The following FZD4 variants were observed in gnomAD, a reference collection of about 807,000 sequenced individuals.
The protein encoded by FZD4 is frizzled class receptor 4, also known as frizzled-4.
In FZD4, 16 loss-of-function variants were observed where a neutral mutation model predicts 37.3. The observed-to-expected ratio is 0.43, with a 90% CI of 0.29 to 0.65. The LOEUF (loss-of-function observed/expected upper bound fraction) is 0.65. FZD4 is among the 30% of genes least tolerant of loss of function. The pLI is 0.16. For missense variants in FZD4, 599 were observed against 674.3 expected (o/e 0.89, Z 1.24); for synonymous variants, 246 against 254.8 (o/e 0.97, Z 0.33).
chr11:86,954,374 C>T (rs545446073), intron 1 of FZD4: 1 of 985,128 alleles, frequency 1.0e-6, no homozygotes, highest in Non-Finnish European at 1.2e-6. Flanking sequence ...AGTAGTGTTT[C>T]ATTTAATAAC....
chr11:86,952,517 G>A (rs1195030176), intron 1 of FZD4, 47 bp from the exon 2 acceptor site: 1 of 1,598,990 alleles, frequency 6.3e-7, no homozygotes. Flanking sequence ...CAATGACTTG[G>A]AAGTTTGACC....
In FZD4 at chr11:86,946,099, C is replaced by T. The variant is rs1027379610; in HGVS notation, c.*5043G>A. ...TTTTTGACCTTTTCAAGCCTCACAACATCCCTGTGAGGTAGACAAAATTCA... is the reference window on the plus strand; with the variant it reads ...TTTTTGACCTTTTCAAGCCTCACAATATCCCTGTGAGGTAGACAAAATTCA... On this transcript the variant is annotated 3_prime_UTR_variant, in exon 2 of 2. Transcript: ENST00000531380. The T allele has an allele frequency of 6.6e-6, 1 of 152,524 alleles. No homozygotes were observed. The highest frequency in any genetic ancestry group is 2.4e-5 in the African/African-American group (1 of 41,432). 9.4% of individuals were successfully genotyped at this position (152,524 alleles called of 1,614,324 possible).
chr11:86,954,310 C>T (rs1337505814), intron 1 of FZD4: 14 of 985,162 alleles, frequency 1.4e-5, no homozygotes, highest in Non-Finnish European at 1.4e-5. Context: ...CATGCATGAC[C>T]TCTAAAACGC....
rs530658595 is a variant in FZD4, at chr11:86,950,936, A to C, written c.*206T>G. 355 of 631,546 alleles carry C rather than the reference A, an allele frequency of 5.6e-4. 1 individual carries two copies. The highest frequency in any genetic ancestry group is 1.6e-3 in the South Asian group (86 of 53,096). The allele number at this position is 631,546 out of a possible 1,614,324, so 39.1% of individuals were successfully genotyped here. A position where few individuals can be genotyped will look rare whatever the true frequency, so the allele number is the denominator to read the frequency against. On this transcript the variant is annotated 3_prime_UTR_variant, in exon 2 of 2. Coordinates refer to ENST00000531380, the MANE Select transcript of FZD4 (RefSeq NM_012193.4). ...TTGAAAGCCTCTAACTGGCTTTTCC[A>C]TTTTGGATCATTCCAAAGTCTGCAG... is the stretch of plus-strand genomic sequence containing the variant.
chr11:86,952,188 G>A lies in FZD4; in HGVS notation c.568C>T (p.Gln190Ter). 1 of 1,613,260 alleles carries A rather than the reference G, an allele frequency of 6.2e-7. No individual in the cohort carries two copies. The highest frequency in any genetic ancestry group is 8.5e-7 in the Non-Finnish European group (1 of 1,179,374). ...ECHSVGTNSDQYIWVKRSLNC... is the reference protein window; with the variant it reads ...ECHSVGTNSD ...AGGCTCCTTTTCACCCAGATGTACTGATCAGAATTGGTTCCCACAGAGTGA... is the reference window on the plus strand; with the variant it reads ...AGGCTCCTTTTCACCCAGATGTACTAATCAGAATTGGTTCCCACAGAGTGA... Residue 190 changes from glutamine (Q) to a stop codon, truncating the protein, a stop_gained, in exon 2 of 2, where the codon CAG becomes TAG. Coordinates refer to ENST00000531380, the MANE Select transcript of FZD4 (RefSeq NM_012193.4). LOFTEE classifies it high-confidence loss of function.
rs1174717898 is a variant in FZD4 at position 86,946,112 on chromosome 11, T to C, written c.*5030A>G. On this transcript the variant is annotated 3_prime_UTR_variant, in exon 2 of 2. Transcript: ENST00000531380. ...CAAGCCTCACAACATCCCTGTGAGG[T>C]AGACAAAATTCAGAAACACCTCCAT... is the stretch of plus-strand genomic sequence containing the variant. 3 of 152,330 alleles carry C rather than the reference T, an allele frequency of 2.0e-5. No individual in the cohort carries two copies. The highest frequency in any genetic ancestry group is 4.4e-5 in the Non-Finnish European group (3 of 68,016). 9.4% of individuals were successfully genotyped at this position (152,330 alleles called of 1,614,324 possible).
In FZD4 at chr11:86,951,226, T is replaced by A. The variant is rs771038159; in HGVS notation, c.1530A>T (p.Arg510Ser). ...TLHTWQKCSN[R>S]LVNSGKVKRE... ...TCTTTACCTTTCCAGAATTCACCAA[T>A]CTGTTGGAACACTTCTGCCACGTGT... Residue 510 changes from arginine (R) to serine (S), a missense_variant, in exon 2 of 2, where the codon AGA (arginine) becomes AGT (serine). By Grantham distance (110) the Arg-to-Ser change is moderately radical. Coordinates refer to ENST00000531380, the MANE Select transcript of FZD4 (RefSeq NM_012193.4). 2 of 1,614,104 alleles carry A rather than the reference T, an allele frequency of 1.2e-6. No individual in the cohort carries two copies. Among genetic ancestry groups the A allele is most frequent in the South Asian group, 1.1e-5 (1 of 91,074 alleles).
In FZD4 at chr11:86,951,636, T is replaced by C. The variant is rs1949293628; in HGVS notation, c.1120A>G (p.Thr374Ala). The C allele has an allele frequency of 6.2e-7, 1 of 1,614,142 alleles. No individual in the cohort carries two copies. Among genetic ancestry groups the C allele is most frequent in the Non-Finnish European group, 8.5e-7 (1 of 1,180,016 alleles). ...IMRLVDADELTGLCYVGNQNL... is the reference protein window; with the variant it reads ...IMRLVDADELAGLCYVGNQNL... Reference sequence around the variant, plus strand: ...TGGTTTCCAACATAGCACAAGCCAGTCAGTTCATCTGCATCCACCAGTCTC... The same window carrying C: ...TGGTTTCCAACATAGCACAAGCCAGCCAGTTCATCTGCATCCACCAGTCTC... The change falls in exon 2 of 2, where the codon ACT becomes GCT. Residue 374 changes from threonine to alanine, a missense_variant. Coordinates refer to ENST00000531380, the MANE Select transcript of FZD4 (RefSeq NM_012193.4).
Position 86,951,297 on chromosome 11 carries a change from C to G in FZD4, c.1459G>C (p.Val487Leu), listed in dbSNP as rs752990226. Residue 487 changes from valine to leucine, a missense_variant, in exon 2 of 2, where the codon GTG becomes CTG. Transcript: ENST00000531380. The stretch of plus-strand genomic sequence containing the variant: ...ATCCACATGCCTGAAGTGATGCCCA[C>G]CAACAAAGACATAAAAATTTTCAAC... ...EMLKIFMSLL[V>L]GITSGMWIWS... is the part of the protein sequence containing the mutation. The G allele has an allele frequency of 6.2e-7, 1 of 1,614,120 alleles. No individual in the cohort carries two copies. The highest frequency in any genetic ancestry group is 8.5e-7 in the Non-Finnish European group (1 of 1,180,012).
chr11:86,949,913 TCC>T lies in FZD4; in HGVS notation c.*1227_*1228del, dbSNP rs1453670102. On this transcript the variant is annotated 3_prime_UTR_variant, in exon 2 of 2. Transcript: ENST00000531380. ...ACGCACCAAGTAGTTGGATTAGCTG[TCC>T]TCAGTTCCCTTTATAAAACTGAAAA... is the stretch of plus-strand genomic sequence containing the variant. 2 of 152,636 alleles carry T rather than the reference TCC, an allele frequency of 1.3e-5. No individual in the cohort carries two copies. The highest frequency in any genetic ancestry group is 4.8e-5 in the African/African-American group (2 of 41,474). The allele number at this position is 152,636 out of a possible 1,614,324, so 9.5% of individuals were successfully genotyped here.
Position 86,955,161 on chromosome 11 carries a change from G to A in FZD4, c.-76C>T, listed in dbSNP as rs1258326112. 5 of 1,134,102 alleles carry A rather than the reference G, an allele frequency of 4.4e-6. No homozygotes were observed. The highest frequency in any genetic ancestry group is 3.1e-5 in the East Asian group (1 of 32,776). 70.3% of individuals were successfully genotyped at this position (1,134,102 alleles called of 1,614,324 possible). On this transcript the variant is annotated 5_prime_UTR_variant, in exon 1 of 2. Transcript: ENST00000531380. ...ACCCCCAGTTTGCACGGGGGCGCCGGCTGCCCGCGCTGCTCCCAGCTCCCG... is the reference window on the plus strand; with the variant it reads ...ACCCCCAGTTTGCACGGGGGCGCCGACTGCCCGCGCTGCTCCCAGCTCCCG...
At position 86,952,076 on chromosome 11, in the gene FZD4, G is replaced by A. The variant is rs1280862141; in HGVS notation, c.680C>T (p.Ala227Val). 3 of 1,614,012 alleles carry A rather than the reference G, an allele frequency of 1.9e-6. No individual in the cohort carries two copies. The highest frequency in any genetic ancestry group is 2.5e-6 in the Non-Finnish European group (3 of 1,179,912). ...EFTDIWMAVW[A>V]SLCFISTAFT... Reference sequence around the variant, plus strand: ...GGCAGTGGAGATGAAACACAGGCTGGCCCACACAGCCATCCAGATATCAGT... The same window carrying A: ...GGCAGTGGAGATGAAACACAGGCTGACCCACACAGCCATCCAGATATCAGT... Residue 227 changes from alanine to valine, a missense_variant, in exon 2 of 2, where the codon GCC becomes GTC. Physicochemically the swap from Ala to Val is moderately conservative, Grantham distance 64 (BLOSUM62 0). Around this residue, in one of 3 missense-constraint regions of FZD4, gnomAD observed 357 missense variants for 396.1 expected, o/e 0.90. Coordinates refer to ENST00000531380, the MANE Select transcript of FZD4 (RefSeq NM_012193.4).
chr11:86,952,166 C>G lies in FZD4; in HGVS notation c.590G>C (p.Ser197Thr). Reference protein sequence around the residue: ...NSDQYIWVKRSLNCVLKCGYD... With the variant: ...NSDQYIWVKRTLNCVLKCGYD... ...GCCACACTTGAGCACACAGTTCAGG[C>G]TCCTTTTCACCCAGATGTACTGATC... is the stretch of plus-strand genomic sequence containing the variant. Residue 197 changes from serine (S) to threonine (T), a missense_variant, in exon 2 of 2, where the codon AGC becomes ACC. Physicochemically the swap from Ser to Thr is moderately conservative, Grantham distance 58 (BLOSUM62 1). This residue lies in a region of FZD4 where 357 missense variants were observed against 396.1 expected (regional missense o/e 0.90). Transcript: ENST00000531380. 1.2e-6 allele frequency: 2 copies of G among 1,612,088 alleles called. No homozygotes were observed. The highest frequency in any genetic ancestry group is 2.2e-5 in the South Asian group (2 of 90,932).
chr11:86,947,611 C>T lies in FZD4; in HGVS notation c.*3531G>A, dbSNP rs1949254906. 2 of 152,238 alleles carry T rather than the reference C, an allele frequency of 1.3e-5. No homozygotes were observed. The highest frequency in any genetic ancestry group is 1.3e-4 in the Admixed American group (2 of 15,272). 9.4% of individuals were successfully genotyped at this position (152,238 alleles called of 1,614,324 possible). A position where few individuals can be genotyped will look rare whatever the true frequency, so the allele number is the denominator to read the frequency against. On this transcript the variant is annotated 3_prime_UTR_variant, in exon 2 of 2. Transcript: ENST00000531380. The stretch of plus-strand genomic sequence containing the variant: ...TCTCTGAAATTAAAAAAATGTCACC[C>T]CTTCTCCAGTTTCAGGCCCAAGTAA...
chr11:86,949,797 G>C lies in FZD4; in HGVS notation c.*1345C>G, dbSNP rs1204553142. On this transcript the variant is annotated 3_prime_UTR_variant, in exon 2 of 2. Coordinates refer to ENST00000531380, the MANE Select transcript of FZD4 (RefSeq NM_012193.4). The stretch of plus-strand genomic sequence containing the variant: ...AATCAGGCTTCTGGCTGGCATTCTG[G>C]AGATTCATTAAGCACCATATAAATA... 6.6e-6 allele frequency: 1 copy of C among 152,606 alleles called. No homozygotes were observed. Among genetic ancestry groups the C allele is most frequent in the East Asian group, 1.9e-4 (1 of 5,194 alleles). The allele number at this position is 152,606 out of a possible 1,614,324, so 9.5% of individuals were successfully genotyped here. A position where few individuals can be genotyped will look rare whatever the true frequency, so the allele number is the denominator to read the frequency against.
chr11:86,953,669 T>G (rs374878300), intron 1 of FZD4, among the ~76,000 whole-genome samples: 1 of 151,978 alleles, frequency 6.6e-6, no homozygotes, highest in Non-Finnish European at 1.5e-5. Flanking sequence ...CAGGCTAGAG[T>G]GCAATGGTGC....
intron 1 of FZD4, chr11:86,954,541 G>T (rs1949319780): frequency 1.0e-6 from 1 of 985,228 alleles, no homozygotes; most frequent in African/African-American, 1.7e-5. Flanking sequence ...CTGGGGTTAG[G>T]GGTCTGGGCC....
rs1949323606 is a variant in FZD4, at chr11:86,954,945, G to A, written c.141C>T (p.Pro47=). 6.2e-7 allele frequency: 1 copy of A among 1,613,468 alleles called. No individual in the cohort carries two copies. The highest frequency in any genetic ancestry group is 1.7e-5 in the Admixed American group (1 of 59,992). Residue 47 remains proline (P), a synonymous_variant, in exon 1 of 2, where the codon CCC becomes CCT. Transcript: ENST00000531380. The part of the protein sequence containing the change: ...FGDEEERRCD[P]IRISMCQNLG... ...GGTTCTGGCACATGGAGATGCGGAT[G>A]GGGTCGCAGCGCCGCTCTTCCTCGT...
intron 1 of FZD4, chr11:86,952,766 GAAAT>G: frequency 4.5e-6 from 1 of 220,144 alleles, no homozygotes; most frequent in Admixed American, 5.2e-5. Flanking sequence ...CACAACACTT[GAAAT>G]AAATCTTAAA....
Sources: gnomAD v4.1 joint callset for allele counts (sites outside exome capture counted in the v4.1 genomes callset) on GRCh38, gnomAD v4.1.1 for gene constraint, gnomAD v4.1.1 regional missense constraint, MANE v1.5 for transcripts, NCBI Gene and HGNC (gene_info 2026-07-23, HGNC 2026-07-21) for gene names.